The following COL23A1 variants were observed in gnomAD, a reference collection of about 807,000 sequenced individuals.
COL23A1 encodes the protein collagen type XXIII alpha 1 chain.
In COL23A1, 97 loss-of-function variants were observed where a neutral mutation model predicts 99.3. The ratio of observed to expected loss-of-function variants is 0.98; its 90% CI spans 0.83 to 1.16. The LOEUF (loss-of-function observed/expected upper bound fraction) is 1.16, where lower values mean the gene tolerates loss of function less well. Among genes scored for constraint, COL23A1 ranks in the 50% most tolerant of loss-of-function variants. The probability of loss-of-function intolerance (pLI) is 0.00; values close to 1 mark genes in which losing one functional copy is unlikely to be tolerated. For missense variants in COL23A1, 762 were observed against 757.4 expected (o/e 1.01, Z -0.07); for synonymous variants, 320 against 308.2 (o/e 1.04, Z -0.40).
chr5:178,443,283 C>T (rs1243011529), intron 2 of COL23A1, among the ~76,000 whole-genome samples: 1 of 152,216 alleles, frequency 6.6e-6, no homozygotes, highest in Non-Finnish European at 1.5e-5. Context: ...AGCGCTCTTC[C>T]TAACCGGATC....
At chr5:178,385,313 G>T (rs577939914) in intron 2 of COL23A1, among the ~76,000 whole-genome samples, 7 of 152,178 alleles carry the variant, frequency 4.6e-5, no homozygotes, top group African/African-American at 1.7e-4. Flanking sequence ...AGCTGTGGAC[G>T]CGGGGAATTC....
At chr5:178,380,536 C>T (rs1191257010) in intron 2 of COL23A1, among the ~76,000 whole-genome samples, 1 of 152,108 alleles carries the variant, frequency 6.6e-6, no homozygotes, top group Non-Finnish European at 1.5e-5. Context: ...TTTGATTTTT[C>T]AGTCGCAGTT....
At chr5:178,511,979 C>A (rs1759229542) in intron 2 of COL23A1, among the ~76,000 whole-genome samples, 1 of 152,204 alleles carries the variant, frequency 6.6e-6, no homozygotes, top group South Asian at 2.1e-4. Flanking sequence ...TCGTAACTAT[C>A]TTTTTGGACG....
chr5:178,468,692 C>T lies in COL23A1; in HGVS notation c.361+91990G>A, dbSNP rs1739843899. On this transcript the variant is annotated intron_variant, in intron 2 of 28. Coordinates refer to ENST00000390654, the MANE Select transcript of COL23A1 (RefSeq NM_173465.4). The surrounding 1 kb of genome is among the most constrained non-coding windows in gnomAD (Gnocchi z 4.2). The stretch of plus-strand genomic sequence containing the variant: ...CTCTCCTCAACTGTGTTCTGGGGCA[C>T]AGGACCCCACATTTAATTTATAAAT... Among the ~76,000 whole-genome samples the T allele has an allele frequency of 1.3e-5, 2 of 152,198 alleles. No individual in the cohort carries two copies. The highest frequency in any genetic ancestry group is 2.9e-5 in the Non-Finnish European group (2 of 68,032).
intron 27 of COL23A1, among the ~76,000 whole-genome samples, chr5:178,239,552 G>A (rs1476432233): frequency 6.7e-6 from 1 of 149,748 alleles, no homozygotes; most frequent in Admixed American, 6.6e-5. Flanking sequence ...AGTGACTCTG[G>A]CCTGGGTCCT....
Position 178,454,028 on chromosome 5 carries a change from C to T in COL23A1, c.361+106654G>A, listed in dbSNP as rs1767633220. On this transcript the variant is annotated intron_variant, in intron 2 of 28. Coordinates refer to ENST00000390654, the MANE Select transcript of COL23A1 (RefSeq NM_173465.4). ...ATATCACACTCTTAAAAAAAAGAGA[C>T]GTATTTATTTTTGTCTTTGCAAGCC... Among the ~76,000 whole-genome samples the T allele has an allele frequency of 7.2e-5, 11 of 152,084 alleles. No individual in the cohort carries two copies. The South Asian group carries it at 2.1e-3, about 29-fold the overall frequency.
At chr5:178,296,796 A>G (rs1757770700) in intron 3 of COL23A1, among the ~76,000 whole-genome samples, 1 of 152,008 alleles carries the variant, frequency 6.6e-6, no homozygotes, top group Admixed American at 6.5e-5. Context: ...GTCCACCTCA[A>G]GCTCATCTAC....
At chr5:178,286,907 C>G (rs1757187582) in intron 5 of COL23A1, among the ~76,000 whole-genome samples, 1 of 152,246 alleles carries the variant, frequency 6.6e-6, no homozygotes, top group Non-Finnish European at 1.5e-5. Flanking sequence ...CTCATCTACA[C>G]CCCACCCTCT....
rs529452264 is a variant in COL23A1, at chr5:178,314,437, C to A, written c.362-7518G>T. On this transcript the variant is annotated intron_variant, in intron 2 of 28. Transcript: ENST00000390654. The stretch of plus-strand genomic sequence containing the variant: ...CAGGCTGGTGACAGACCCCGACCAC[C>A]CCAGTGACCAGAGCTGGTTAAGGTG... Among the ~76,000 whole-genome samples the A allele has an allele frequency of 5.9e-5, 9 of 152,258 alleles. No individual in the cohort carries two copies. The South Asian group carries it at 1.9e-3, about 32-fold the overall frequency.
chr5:178,491,643 G>C (rs1250122069), intron 2 of COL23A1, among the ~76,000 whole-genome samples: 1 of 152,070 alleles, frequency 6.6e-6, no homozygotes, highest in Non-Finnish European at 1.5e-5. Flanking sequence ...ACAGAGCCTG[G>C]GGCAAGGGAG....
chr5:178,259,929 C>G (rs915094010), intron 11 of COL23A1, among the ~76,000 whole-genome samples, 182 bp from the exon 12 acceptor site: 1 of 152,234 alleles, frequency 6.6e-6, no homozygotes, highest in African/African-American at 2.4e-5. Context: ...TTCTGAGCCA[C>G]TCACTCCCAA....
At chr5:178,248,926 C>T (rs949542752) in intron 19 of COL23A1, among the ~76,000 whole-genome samples, 191 bp downstream of exon 19, 16 of 152,202 alleles carry the variant, frequency 1.1e-4, no homozygotes, top group South Asian at 2.1e-4. Flanking sequence ...TTCTTCCAGA[C>T]GAGGAAGTGG....
chr5:178,354,848 G>A lies in COL23A1; in HGVS notation c.362-47929C>T, dbSNP rs1055825465. On this transcript the variant is annotated intron_variant, in intron 2 of 28. Transcript: ENST00000390654. ...GAGGCAGATGGATTGCCTGAGCTCA[G>A]GAGTTCGAAACCAGCCTGGGCAATA... Among the ~76,000 whole-genome samples the A allele has an allele frequency of 1.6e-4, 25 of 152,242 alleles. No individual in the cohort carries two copies. The East Asian group carries it at 4.4e-3, about 27-fold the overall frequency.
chr5:178,373,353 G>A (rs1046476048), intron 2 of COL23A1, among the ~76,000 whole-genome samples: 5 of 152,206 alleles, frequency 3.3e-5, no homozygotes, highest in African/African-American at 1.2e-4. Context: ...AGAACTGACT[G>A]CCGTTCTCAG....
chr5:178,403,115 A>T (rs1318826289), intron 2 of COL23A1, among the ~76,000 whole-genome samples: 1 of 133,162 alleles, frequency 7.5e-6, no homozygotes, highest in African/African-American at 3.3e-5. Context: ...TCTCAAAAAA[A>T]AAAAAAATAA....
At chr5:178,289,786 G>A (rs945828509) in intron 4 of COL23A1, among the ~76,000 whole-genome samples, 3 of 152,204 alleles carry the variant, frequency 2.0e-5, no homozygotes, top group Non-Finnish European at 4.4e-5. Flanking sequence ...AGGCTTGTGC[G>A]CTGGCTCTCT....
At chr5:178,297,162 C>T (rs943449703) in intron 3 of COL23A1, among the ~76,000 whole-genome samples, 4 of 152,262 alleles carry the variant, frequency 2.6e-5, no homozygotes, top group Admixed American at 2.6e-4. Flanking sequence ...GTTCCTGCAG[C>T]CGGCATGGCA....
chr5:178,342,430 C>CA (rs1385623586), intron 2 of COL23A1, among the ~76,000 whole-genome samples: 1 of 152,224 alleles, frequency 6.6e-6, no homozygotes, highest in Non-Finnish European at 1.5e-5. Context: ...AAGGTGGCCT[C>CA]ACAGGCTGGC....
chr5:178,444,254 T>TC (rs1028201643), intron 2 of COL23A1, among the ~76,000 whole-genome samples: 3 of 151,772 alleles, frequency 2.0e-5, no homozygotes, highest in South Asian at 2.1e-4. Flanking sequence ...ACAAATCCCA[T>TC]CCCCCCCAAA....
Sources: allele counts gnomAD v4.1 joint callset (sites outside exome capture counted in the v4.1 genomes callset), GRCh38; gene constraint gnomAD v4.1.1; non-coding constraint Gnocchi (gnomAD v3.1); transcripts MANE v1.5; gene names NCBI Gene and HGNC (gene_info 2026-07-23, HGNC 2026-07-21).